Variants in OPA3 observed in about 807,000 individuals in gnomAD.
OPA3 encodes optic atrophy 3 protein.
A neutral mutation model predicts 4.0 loss-of-function variants in OPA3; 6 were observed. That is an observed-to-expected ratio of 1.51 (90% CI 0.83 to 2.99). The LOEUF (loss-of-function observed/expected upper bound fraction) is 2.99. Among genes scored for constraint, OPA3 ranks in the 30% most tolerant of loss-of-function variants. The pLI is 0.00. For missense variants in OPA3, 235 were observed against 256.2 expected (o/e 0.92, Z 0.56); for synonymous variants, 105 against 117.1 (o/e 0.90, Z 0.67).
At chr19:45,571,646 C>G (rs1969668416) in intron 1 of OPA3, among the ~76,000 whole-genome samples, 2 of 152,158 alleles carry the variant, frequency 1.3e-5, no homozygotes, top group Non-Finnish European at 2.9e-5. Context: ...TTTTCAAACA[C>G]TGGTGCGTGT....
At chr19:45,570,978 T>TGC (rs1423224498) in intron 1 of OPA3, among the ~76,000 whole-genome samples, 4 of 66,168 alleles carry the variant, frequency 6.0e-5, no homozygotes, top group Admixed American at 1.5e-4. Flanking sequence ...CAAAACTATT[T>TGC]GGGGGGGGGG....
At position 45,584,796 on chromosome 19, in the gene OPA3, G is replaced by T. The variant is rs970097755; in HGVS notation, c.-32C>A. 1 of 1,611,734 alleles carries T rather than the reference G, an allele frequency of 6.2e-7. No homozygotes were observed. Among genetic ancestry groups the T allele is most frequent in the Admixed American group, 1.7e-5 (1 of 60,022 alleles). On this transcript the variant is annotated 5_prime_UTR_variant, in exon 1 of 2. Coordinates refer to ENST00000263275, the MANE Select transcript of OPA3 (RefSeq NM_025136.4). Reference sequence around the variant, plus strand: ...GGTCTCACAGGGCACGCGCAACCTTGCTGACTGGGCGGGGCGCCTCAACCT... The same window carrying T: ...GGTCTCACAGGGCACGCGCAACCTTTCTGACTGGGCGGGGCGCCTCAACCT...
intron 1 of OPA3, among the ~76,000 whole-genome samples, chr19:45,562,364 GA>G (rs1294393142): frequency 4.8e-5 from 6 of 125,930 alleles, no homozygotes; most frequent in South Asian, 2.4e-4. Flanking sequence ...AAAAAAAAAA[GA>G]AAAGAAAAAG....
chr19:45,537,035 T>C (rs1253178135), intron 1 of OPA3, among the ~76,000 whole-genome samples: 7 of 152,040 alleles, frequency 4.6e-5, no homozygotes, highest in Non-Finnish European at 4.4e-5. Context: ...TTCAAGACCA[T>C]ACTGGGCAAC....
rs780748496 is a variant in OPA3 at position 45,529,425 on chromosome 19, C to T, written c.174G>A (p.Met58Ile). ...CAGCGGCATTGAAACCCATGATGCGCATTTTGGTCCGCATCTCCAGCCAGT... is the reference window on the plus strand; with the variant it reads ...CAGCGGCATTGAAACCCATGATGCGTATTTTGGTCCGCATCTCCAGCCAGT... The change falls in exon 2 of 2, where the codon ATG (methionine) becomes ATA (isoleucine). Residue 58 changes from methionine (M) to isoleucine (I), a missense_variant. Met to Ile is a conservative substitution (Grantham distance 10). Transcript: ENST00000323060. 3.1e-6 allele frequency: 5 copies of T among 1,614,228 alleles called. No homozygotes were observed. The Admixed American group carries it at 6.7e-5, about 22-fold the overall frequency.
In OPA3 at chr19:45,551,975, C is replaced by A. The variant is rs1401332900; in HGVS notation, c.*1539G>T. On this transcript the variant is annotated 3_prime_UTR_variant, in exon 2 of 2. Transcript: ENST00000263275. The stretch of plus-strand genomic sequence containing the variant: ...CCACACAGTACAAGCTCCAGGGACT[C>A]TGAGGACAGGAAAATAGGGGGCTGA... 3.0e-6 allele frequency: 3 copies of A among 985,322 alleles called. No individual in the cohort carries two copies. In the African/African-American group the frequency reaches 5.2e-5, roughly 17 times the overall value. 61.0% of individuals were successfully genotyped at this position (985,322 alleles called of 1,614,324 possible).
intron 1 of OPA3, among the ~76,000 whole-genome samples, chr19:45,572,498 GAGAT>G (rs1215942072): frequency 8.9e-6 from 1 of 112,276 alleles, no homozygotes; most frequent in Non-Finnish European, 1.9e-5. Context: ...CGAGATATAT[GAGAT>G]ATATATCATA....
rs1457500745 is a variant in OPA3 at position 45,548,140 on chromosome 19, CCTCT to C, written c.*5370_*5373del. The C allele has an allele frequency of 2.0e-6, 2 of 985,716 alleles. No homozygotes were observed. The highest frequency in any genetic ancestry group is 6.2e-5 in the Admixed American group (1 of 16,252). The allele number at this position is 985,716 out of a possible 1,614,324, so 61.1% of individuals were successfully genotyped here. On this transcript the variant is annotated 3_prime_UTR_variant, in exon 2 of 2. Transcript: ENST00000263275. ...GTACACTCAGAGTTGCCATGCTTCT[CCTCT>C]CTCTGTCCACACCGACTCCAGCTAC...
At chr19:45,555,044 C>G (rs890737257) in intron 1 of OPA3, among the ~76,000 whole-genome samples, 2 of 152,174 alleles carry the variant, frequency 1.3e-5, no homozygotes, top group African/African-American at 4.8e-5. Context: ...CCTGCGTTGG[C>G]CTCTCAAACT....
chr19:45,536,042 C>T (rs1969113530), intron 1 of OPA3, among the ~76,000 whole-genome samples: 1 of 151,424 alleles, frequency 6.6e-6, no homozygotes, highest in Non-Finnish European at 1.5e-5. Flanking sequence ...GCCTGGCCAA[C>T]ATGGTGAAAC....
chr19:45,555,406 G>A (rs545229012), intron 1 of OPA3, among the ~76,000 whole-genome samples: 3 of 152,278 alleles, frequency 2.0e-5, no homozygotes, highest in Non-Finnish European at 4.4e-5. Context: ...CGCAATCATG[G>A]CTCACTGCAG....
intron 1 of OPA3, among the ~76,000 whole-genome samples, chr19:45,569,180 C>G (rs553785858): frequency 3.9e-5 from 6 of 152,104 alleles, no homozygotes; most frequent in African/African-American, 1.4e-4. Context: ...AGGCTAGGGC[C>G]GAGCGCTGTG....
downstream of OPA3, among the ~76,000 whole-genome samples, chr19:45,542,740 C>A (rs1443400014): frequency 6.8e-6 from 1 of 146,310 alleles, no homozygotes; most frequent in African/African-American, 2.6e-5. Context: ...GTGGTGCGAT[C>A]CTGGCTCACT....
intron 1 of OPA3, among the ~76,000 whole-genome samples, chr19:45,562,168 C>T (rs1969512125): frequency 1.3e-5 from 2 of 148,936 alleles, no homozygotes; most frequent in East Asian, 2.0e-4. Flanking sequence ...GCCAACATGG[C>T]AAAACCCCAT....
intron 1 of OPA3, among the ~76,000 whole-genome samples, chr19:45,555,713 G>A (rs990323841): frequency 6.6e-6 from 1 of 152,050 alleles, no homozygotes; most frequent in Non-Finnish European, 1.5e-5. Context: ...GGATGGTCTC[G>A]ATCTCCTGAC....
chr19:45,575,974 C>T (rs920915654), intron 1 of OPA3, among the ~76,000 whole-genome samples: 3 of 152,238 alleles, frequency 2.0e-5, no homozygotes, highest in Non-Finnish European at 4.4e-5. Context: ...TGGCTCACGC[C>T]TGTAATCCCA....
At position 45,548,490 on chromosome 19, in the gene OPA3, T is replaced by C; in HGVS notation, c.*5024A>G. 2.0e-6 allele frequency: 2 copies of C among 985,340 alleles called. No homozygotes were observed. Among genetic ancestry groups the C allele is most frequent in the Non-Finnish European group, 2.4e-6 (2 of 829,930 alleles). The allele number at this position is 985,340 out of a possible 1,614,324, so 61.0% of individuals were successfully genotyped here. A position where few individuals can be genotyped will look rare whatever the true frequency, so the allele number is the denominator to read the frequency against. On this transcript the variant is annotated 3_prime_UTR_variant, in exon 2 of 2. Transcript: ENST00000263275. Reference sequence around the variant, plus strand: ...TTCCGGATTCAGCCCAGCCCCTGCTTCCTAAACAACTATGGGGTGGGGCAG... The same window carrying C: ...TTCCGGATTCAGCCCAGCCCCTGCTCCCTAAACAACTATGGGGTGGGGCAG...
intron 1 of OPA3, among the ~76,000 whole-genome samples, chr19:45,565,484 G>C (rs1244822396): frequency 1.3e-5 from 2 of 151,748 alleles, no homozygotes; most frequent in Admixed American, 1.3e-4. Context: ...ACAAAAATTA[G>C]CCGGGCATGG....
At position 45,548,557 on chromosome 19, in the gene OPA3, C is replaced by G. The variant is rs1213897079; in HGVS notation, c.*4957G>C. 3 of 985,380 alleles carry G rather than the reference C, an allele frequency of 3.0e-6. No individual in the cohort carries two copies. The highest frequency in any genetic ancestry group is 3.6e-6 in the Non-Finnish European group (3 of 829,946). 61.0% of individuals were successfully genotyped at this position (985,380 alleles called of 1,614,324 possible). On this transcript the variant is annotated 3_prime_UTR_variant, in exon 2 of 2. Transcript: ENST00000263275. Reference sequence around the variant, plus strand: ...AATGTACGTGTGAGCATCTGTAAGACCCGGTGACGGCAGGGCTGGGGCTGT... The same window carrying G: ...AATGTACGTGTGAGCATCTGTAAGAGCCGGTGACGGCAGGGCTGGGGCTGT...
Sources: allele counts gnomAD v4.1 joint callset (sites outside exome capture counted in the v4.1 genomes callset), GRCh38; gene constraint gnomAD v4.1.1; transcripts MANE v1.5; gene names NCBI Gene and HGNC (gene_info 2026-07-23, HGNC 2026-07-21).